The following PPP2R2B variants were observed in gnomAD, a reference collection of about 807,000 sequenced individuals.
PPP2R2B encodes serine/threonine-protein phosphatase 2A 55 kDa regulatory subunit B beta isoform.
PPP2R2B carries 5 observed loss-of-function variants against 46.0 expected under a neutral mutation model. The observed-to-expected ratio is 0.11, with a 90% CI of 0.06 to 0.23. PPP2R2B has a LOEUF of 0.23. PPP2R2B is among the 10% of genes least tolerant of loss of function. PPP2R2B has a pLI of 1.00. For missense variants in PPP2R2B, 367 were observed against 575.0 expected (o/e 0.64, Z 3.70); for synonymous variants, 215 against 206.7 (o/e 1.04, Z -0.34).
intron 3 of PPP2R2B, among the ~76,000 whole-genome samples, chr5:146,699,106 C>A (rs1049621672): frequency 6.6e-6 from 1 of 152,086 alleles, no homozygotes; most frequent in African/African-American, 2.4e-5. Context: ...AAATATGAGT[C>A]TTATTAAACA....
In PPP2R2B at chr5:146,783,534, A is replaced by G. The variant is rs111776962; in HGVS notation, c.71-82392T>C. ...TCTACTTATGCTTTTTCCATTTTCC[A>G]AAGTCCATACAACTTTTATAATCAG... On this transcript the variant is annotated intron_variant, in intron 2 of 9. Coordinates refer to ENST00000394411, the MANE Select transcript of PPP2R2B (RefSeq NM_181675.4). Among the ~76,000 whole-genome samples the G allele has an allele frequency of 6.5e-3, 994 of 152,312 alleles. 16 individuals carry two copies. Among genetic ancestry groups the G allele is most frequent in the African/African-American group, 0.023 (957 of 41,570 alleles).
intron 5 of PPP2R2B, among the ~76,000 whole-genome samples, chr5:146,664,433 T>C (rs576337028): frequency 6.6e-6 from 1 of 152,246 alleles, no homozygotes; most frequent in East Asian, 1.9e-4. Context: ...TGCTTATCCA[T>C]AAGAAGCAAT....
chr5:147,052,061 A>T (rs1756853763), intron 1 of PPP2R2B, among the ~76,000 whole-genome samples: 1 of 152,118 alleles, frequency 6.6e-6, no homozygotes, highest in African/African-American at 2.4e-5. Context: ...AAGGAAAGAC[A>T]GTCCAATCCT....
At chr5:146,834,198 C>T (rs1381780258) in intron 2 of PPP2R2B, among the ~76,000 whole-genome samples, 1 of 152,106 alleles carries the variant, frequency 6.6e-6, no homozygotes, top group Non-Finnish European at 1.5e-5. Flanking sequence ...TAGACAAGGT[C>T]CTAGGTGCTT....
chr5:146,684,054 G>A (rs890702861), intron 5 of PPP2R2B, among the ~76,000 whole-genome samples: 4 of 152,144 alleles, frequency 2.6e-5, no homozygotes, highest in Admixed American at 6.6e-5. Context: ...TCCAGGAGCC[G>A]TTGGTGCCAT....
intron 5 of PPP2R2B, among the ~76,000 whole-genome samples, chr5:146,680,884 A>G (rs1778126016): frequency 6.6e-6 from 1 of 152,180 alleles, no homozygotes; most frequent in Non-Finnish European, 1.5e-5. Context: ...AGAATAAAAT[A>G]TATTTTTCTG....
upstream of PPP2R2B, among the ~76,000 whole-genome samples, chr5:147,060,520 T>TG (rs1757225220): frequency 6.6e-6 from 1 of 151,982 alleles, no homozygotes; most frequent in Non-Finnish European, 1.5e-5. Flanking sequence ...CCCTGCCACT[T>TG]GGGGGGCTGA....
intron 2 of PPP2R2B, among the ~76,000 whole-genome samples, chr5:146,813,143 G>A (rs943526457): frequency 6.6e-6 from 1 of 151,096 alleles, no homozygotes; most frequent in Non-Finnish European, 1.5e-5. Flanking sequence ...GTGTGTGTGT[G>A]TATATATATG....
chr5:147,060,861 C>T (rs1430059289), upstream of PPP2R2B, among the ~76,000 whole-genome samples: 1 of 152,090 alleles, frequency 6.6e-6, no homozygotes, highest in African/African-American at 2.4e-5. Context: ...TTTTTTTATG[C>T]TGAATTCTGA....
At chr5:146,907,644 T>A (rs577197) in intron 1 of PPP2R2B, among the ~76,000 whole-genome samples, 2 of 152,090 alleles carry the variant, frequency 1.3e-5, no homozygotes, top group East Asian at 3.9e-4. Flanking sequence ...GTTCTCTACT[T>A]GGGAGAAACC....
chr5:147,060,345 A>C (rs1344773909), upstream of PPP2R2B, among the ~76,000 whole-genome samples: 1 of 152,208 alleles, frequency 6.6e-6, no homozygotes, highest in Non-Finnish European at 1.5e-5. Context: ...ACCTACTCTC[A>C]GCCAGGTGTG....
At chr5:146,659,570 C>A (rs1776555804) in intron 5 of PPP2R2B, among the ~76,000 whole-genome samples, 1 of 152,186 alleles carries the variant, frequency 6.6e-6, no homozygotes. Context: ...ACGATTGACA[C>A]ATACCATCTA....
intron 1 of PPP2R2B, among the ~76,000 whole-genome samples, chr5:146,956,392 A>G (rs932582204): frequency 6.6e-6 from 1 of 152,168 alleles, no homozygotes; most frequent in African/African-American, 2.4e-5. Flanking sequence ...TCACAGAAAA[A>G]TAATTGCCCT....
At chr5:146,920,268 G>A (rs75888757) in intron 1 of PPP2R2B, among the ~76,000 whole-genome samples, 5,501 of 152,040 alleles carry the variant, frequency 0.036, 123 homozygotes, top group Non-Finnish European at 0.056. Flanking sequence ...AGTTGCTCCC[G>A]TAATAACTAG....
At chr5:146,933,171 CAGGGATTGGAAA>C (rs1304280729) in intron 1 of PPP2R2B, among the ~76,000 whole-genome samples, 2 of 152,138 alleles carry the variant, frequency 1.3e-5, no homozygotes, top group African/African-American at 2.4e-5. Flanking sequence ...TTTCAAGTAA[CAGGGATTGGAAA>C]ATAATCCCAT....
rs374743637 is a variant in PPP2R2B at position 146,719,360 on chromosome 5, G to C, written c.71-18218C>G. ...TTACCTAGAAGTAACATAATGAATG[G>C]TTAACAGAATGACTTTAGGTGTCAG... On this transcript the variant is annotated intron_variant, in intron 2 of 9. Coordinates refer to ENST00000394411, the MANE Select transcript of PPP2R2B (RefSeq NM_181675.4). Among the ~76,000 whole-genome samples, 12 of 152,322 alleles carry C rather than the reference G, an allele frequency of 7.9e-5. No individual in the cohort carries two copies. In the East Asian group the frequency reaches 1.3e-3, roughly 17 times the overall value.
intron 1 of PPP2R2B, among the ~76,000 whole-genome samples, chr5:146,945,571 T>C (rs1293478109): frequency 6.6e-6 from 1 of 152,164 alleles, no homozygotes; most frequent in African/African-American, 2.4e-5. Context: ...GCTAAAGTTG[T>C]GCTGCTATAG....
intron 7 of PPP2R2B, among the ~76,000 whole-genome samples, chr5:146,630,627 T>A (rs1223266541): frequency 6.6e-6 from 1 of 152,154 alleles, no homozygotes; most frequent in Non-Finnish European, 1.5e-5. Flanking sequence ...TTAAATGAGC[T>A]CATGCATGTA....
intron 5 of PPP2R2B, among the ~76,000 whole-genome samples, chr5:146,671,919 T>C (rs1275002161): frequency 3.3e-5 from 5 of 151,946 alleles, no homozygotes; most frequent in Non-Finnish European, 7.4e-5. Context: ...CAGGTACAGA[T>C]GGGGATGGTT....
Sources: gnomAD v4.1 joint callset for allele counts (sites outside exome capture counted in the v4.1 genomes callset) on GRCh38, gnomAD v4.1.1 for gene constraint, MANE v1.5 for transcripts, NCBI Gene and HGNC (gene_info 2026-07-23, HGNC 2026-07-21) for gene names.